The following STXBP5L variants were observed in gnomAD, a reference collection of about 807,000 sequenced individuals.
STXBP5L encodes the protein syntaxin binding protein 5L.
In STXBP5L, 65 loss-of-function variants were observed where a neutral mutation model predicts 144.5. The observed-to-expected ratio is 0.45, with a 90% confidence interval of 0.37 to 0.55. STXBP5L has a LOEUF of 0.55. STXBP5L is among the 20% of genes least tolerant of loss of function. The probability of loss-of-function intolerance (pLI) is 0.00; values close to 1 mark genes in which losing one functional copy is unlikely to be tolerated. For synonymous variants in STXBP5L, 505 were observed against 469.6 expected (o/e 1.08, Z -0.97); for missense variants, 1,298 against 1,405.5 (o/e 0.92, Z 1.22).
At chr3:121,338,834 C>G (rs1215852241) in intron 20 of STXBP5L, among the ~76,000 whole-genome samples, 1 of 151,960 alleles carries the variant, frequency 6.6e-6, no homozygotes, top group Admixed American at 6.6e-5. Flanking sequence ...ACCACCTCCC[C>G]AGCTTGAATC....
At chr3:121,388,010 A>G (rs1451832834) in intron 22 of STXBP5L, among the ~76,000 whole-genome samples, 1 of 152,146 alleles carries the variant, frequency 6.6e-6, no homozygotes. Context: ...CCATTTTCAC[A>G]ATATTGATTC....
chr3:121,040,170 C>A (rs1947050605), intron 3 of STXBP5L, among the ~76,000 whole-genome samples: 2 of 152,078 alleles, frequency 1.3e-5, no homozygotes, highest in South Asian at 2.1e-4. Context: ...GAATGCCATA[C>A]CTCTTGAATT....
chr3:121,094,676 G>T (rs1180121758), intron 5 of STXBP5L, among the ~76,000 whole-genome samples: 1 of 152,144 alleles, frequency 6.6e-6, no homozygotes, highest in Non-Finnish European at 1.5e-5. Context: ...CTCTGCACGT[G>T]AGATGGTTTT....
chr3:121,085,160 G>A (rs1238575278), intron 5 of STXBP5L, among the ~76,000 whole-genome samples: 1 of 152,100 alleles, frequency 6.6e-6, no homozygotes, highest in Non-Finnish European at 1.5e-5. Flanking sequence ...CTCCCATTCT[G>A]TAGGTTTTCT....
At chr3:121,056,611 G>C (rs966590447) in intron 5 of STXBP5L, among the ~76,000 whole-genome samples, 2 of 152,100 alleles carry the variant, frequency 1.3e-5, no homozygotes, top group Non-Finnish European at 2.9e-5. Context: ...TCTTTTCAAA[G>C]TGTTGCATAA....
intron 3 of STXBP5L, among the ~76,000 whole-genome samples, chr3:121,023,618 T>G (rs2107468642): frequency 6.6e-6 from 1 of 151,976 alleles, no homozygotes; most frequent in South Asian, 2.1e-4. Flanking sequence ...AACAAAAACA[T>G]AAGATGAGGA....
chr3:121,413,054 A>G, intron 23 of STXBP5L, 104 bp from the exon 24 acceptor site: 1 of 979,558 alleles, frequency 1.0e-6, no homozygotes, highest in Non-Finnish European at 1.4e-6. Context: ...AAAAAAATAA[A>G]AAGAAACAAC....
intron 5 of STXBP5L, among the ~76,000 whole-genome samples, chr3:121,065,384 T>A (rs2041494402): frequency 6.6e-6 from 1 of 152,144 alleles, no homozygotes; most frequent in African/African-American, 2.4e-5. Context: ...CATACATATT[T>A]ATACATTATA....
intron 20 of STXBP5L, among the ~76,000 whole-genome samples, chr3:121,349,777 A>C (rs2045189822): frequency 6.6e-6 from 1 of 151,920 alleles, no homozygotes; most frequent in African/African-American, 2.4e-5. Context: ...CTAGGATTGC[A>C]ACCCCTGCCT....
At chr3:120,937,642 C>A (rs943592068) in intron 2 of STXBP5L, among the ~76,000 whole-genome samples, 1 of 152,106 alleles carries the variant, frequency 6.6e-6, no homozygotes, top group Non-Finnish European at 1.5e-5. Flanking sequence ...TTTTCAGTTT[C>A]TTTGCTTTTT....
At chr3:121,233,575 A>G (rs2108316206) in intron 11 of STXBP5L, 41 bp from the exon 12 acceptor site, 2 of 1,504,282 alleles carry the variant, frequency 1.3e-6, no homozygotes, top group Non-Finnish European at 1.8e-6. Flanking sequence ...TTTATAGTAT[A>G]TACAATATGA....
chr3:121,313,851 C>A (rs1288824207), intron 19 of STXBP5L, among the ~76,000 whole-genome samples: 1 of 140,556 alleles, frequency 7.1e-6, no homozygotes, highest in African/African-American at 2.7e-5. Flanking sequence ...GGGGCGGTTG[C>A]CAGGCAGAGG....
intron 9 of STXBP5L, among the ~76,000 whole-genome samples, chr3:121,196,320 G>A (rs910563946): frequency 6.6e-6 from 1 of 151,704 alleles, no homozygotes; most frequent in South Asian, 2.1e-4. Context: ...TGTATTTTTA[G>A]TAGAGATGGG....
At chr3:121,304,105 C>G (rs1456589862) in intron 19 of STXBP5L, among the ~76,000 whole-genome samples, 4 of 151,638 alleles carry the variant, frequency 2.6e-5, no homozygotes, top group African/African-American at 4.8e-5. Context: ...GCTGATATGG[C>G]TATATTAATA....
At chr3:121,274,294 G>A (rs2050815279) in intron 18 of STXBP5L, among the ~76,000 whole-genome samples, 1 of 152,230 alleles carries the variant, frequency 6.6e-6, no homozygotes, top group Non-Finnish European at 1.5e-5. Context: ...CCTGTTTTAA[G>A]AAAGACACAG....
chr3:121,394,850 C>A (rs189577711), intron 22 of STXBP5L, among the ~76,000 whole-genome samples: 3 of 151,982 alleles, frequency 2.0e-5, no homozygotes, highest in Non-Finnish European at 4.4e-5. Flanking sequence ...ATGATCCACC[C>A]GTCTCAGCCT....
At chr3:121,342,068 TG>T (rs1157104298) in intron 20 of STXBP5L, among the ~76,000 whole-genome samples, 1 of 152,032 alleles carries the variant, frequency 6.6e-6, no homozygotes, top group African/African-American at 2.4e-5. Flanking sequence ...TATTATACAT[TG>T]TATGCCTGTA....
chr3:121,052,544 A>T (rs1339280334), intron 5 of STXBP5L, among the ~76,000 whole-genome samples: 1 of 152,228 alleles, frequency 6.6e-6, no homozygotes, highest in Non-Finnish European at 1.5e-5. Context: ...AAAATTCAAC[A>T]ACCCTTCATG....
chr3:120,952,911 A>G (rs1211780663), intron 2 of STXBP5L, among the ~76,000 whole-genome samples: 3 of 151,528 alleles, frequency 2.0e-5, no homozygotes, highest in African/African-American at 7.3e-5. Flanking sequence ...TGATCCTCCT[A>G]TCTAAGCCTC....
Sources: allele counts gnomAD v4.1 joint callset (sites outside exome capture counted in the v4.1 genomes callset), GRCh38; gene constraint gnomAD v4.1.1; transcripts MANE v1.5; gene names NCBI Gene and HGNC (gene_info 2026-07-23, HGNC 2026-07-21).